MTA3: variants seen among roughly 807,000 people sequenced by gnomAD.
MTA3 encodes metastasis associated 1 family member 3, also known as metastasis-associated protein MTA3.
In MTA3, 34 loss-of-function variants were observed where a neutral mutation model predicts 83.5. The observed-to-expected ratio is 0.41, with a 90% CI of 0.31 to 0.54. The LOEUF (loss-of-function observed/expected upper bound fraction) is 0.54, where lower values mean the gene tolerates loss of function less well. MTA3 is among the 20% of genes least tolerant of loss of function. MTA3 has a pLI of 0.33. For missense variants in MTA3, 761 were observed against 726.4 expected (o/e 1.05, Z -0.55); for synonymous variants, 303 against 252.7 (o/e 1.20, Z -1.89).
chr2:42,717,103 C>T (rs1031938434), intron 14 of MTA3, among the ~76,000 whole-genome samples: 1 of 118,472 alleles, frequency 8.4e-6, no homozygotes, highest in Admixed American at 8.5e-5. Flanking sequence ...TTGCCATCTT[C>T]GGTTTAATAA....
rs557713880 is a variant in MTA3, at chr2:42,613,757, C to G, written c.317+4173C>G. On this transcript the variant is annotated intron_variant, in intron 4 of 16. Coordinates refer to ENST00000405094, the MANE Select transcript of MTA3 (RefSeq NM_001330442.2). ...TATTCATGAGACGCTTAACACTTCC[C>G]AAAGTGGCAGGGAGGAAACTCTTTG... The G allele has an allele frequency of 3.9e-5, 6 of 152,276 alleles. No homozygotes were observed. The East Asian group carries it at 9.6e-4, about 24-fold the overall frequency. The allele number at this position is 152,276 out of a possible 1,614,324, so 9.4% of individuals were successfully genotyped here. A position where few individuals can be genotyped will look rare whatever the true frequency, so the allele number is the denominator to read the frequency against.
chr2:42,641,207 G>A lies in MTA3; in HGVS notation c.381+971G>A, dbSNP rs544015635. Among the ~76,000 whole-genome samples, 39 of 147,066 alleles carry A rather than the reference G, an allele frequency of 2.7e-4. No homozygotes were observed. The South Asian group carries it at 7.6e-3, about 29-fold the overall frequency. The stretch of plus-strand genomic sequence containing the variant: ...GAGGCATGAGCCACTGTGCCTGGCC[G>A]GTTTTTTTTTTTTTTTTTTTTAAAT... On this transcript the variant is annotated intron_variant, in intron 5 of 16. Transcript: ENST00000405094.
intron 3 of MTA3, among the ~76,000 whole-genome samples, chr2:42,599,315 G>A (rs901552928): frequency 3.3e-5 from 5 of 152,170 alleles, no homozygotes; most frequent in Non-Finnish European, 7.3e-5. Context: ...GGTACCGGGC[G>A]CGGCGGCTTA....
intron 16 of MTA3, among the ~76,000 whole-genome samples, chr2:42,742,878 G>T (rs990024443): frequency 6.6e-6 from 1 of 152,070 alleles, no homozygotes; most frequent in Non-Finnish European, 1.5e-5. Flanking sequence ...ATGACTTATG[G>T]ATTTGCTTGA....
chr2:42,741,645 C>T (rs1669036367), intron 16 of MTA3, among the ~76,000 whole-genome samples: 1 of 152,090 alleles, frequency 6.6e-6, no homozygotes, highest in African/African-American at 2.4e-5. Context: ...GTCACTGGAG[C>T]AGTCAGAGGA....
chr2:42,569,056 C>G (rs1042668972), intron 1 of MTA3, among the ~76,000 whole-genome samples: 1 of 152,186 alleles, frequency 6.6e-6, no homozygotes, highest in Non-Finnish European at 1.5e-5. Flanking sequence ...CAGACACCCC[C>G]CTCCACGAAA....
At chr2:42,717,929 G>A (rs755556512) in intron 14 of MTA3, among the ~76,000 whole-genome samples, 13 of 152,076 alleles carry the variant, frequency 8.5e-5, no homozygotes, top group African/African-American at 2.4e-4. Context: ...TCCACCTTGT[G>A]CTTTACGGCG....
chr2:42,674,641 T>G (rs1051807278), intron 8 of MTA3, among the ~76,000 whole-genome samples: 5 of 143,674 alleles, frequency 3.5e-5, no homozygotes, highest in Non-Finnish European at 7.6e-5. Context: ...ACTCCATCAC[T>G]AGGCTGGAGT....
At chr2:42,556,761 G>T (rs1361593498) in intron 2 of MTA3, among the ~76,000 whole-genome samples, 2 of 152,168 alleles carry the variant, frequency 1.3e-5, no homozygotes, top group African/African-American at 4.8e-5. Context: ...GGCTGTATTG[G>T]TGGGGGGAAT....
At chr2:42,723,108 C>T in intron 16 of MTA3, 73 bp downstream of exon 16, 1 of 1,440,320 alleles carries the variant, frequency 6.9e-7, no homozygotes, top group Non-Finnish European at 9.4e-7. Context: ...TCTGCCACAT[C>T]CAAAAATATA....
chr2:42,513,821 C>T (rs1162731228), intron 2 of MTA3, among the ~76,000 whole-genome samples: 9 of 152,298 alleles, frequency 5.9e-5, no homozygotes, highest in Admixed American at 5.9e-4. Context: ...CGGGCTTACA[C>T]CTAGGAAAGC....
chr2:42,586,521 C>G (rs1312508519), intron 3 of MTA3, among the ~76,000 whole-genome samples: 1 of 132,502 alleles, frequency 7.5e-6, no homozygotes, highest in Non-Finnish European at 1.6e-5. Flanking sequence ...CACAAACACA[C>G]AAAGGAAGGA....
chr2:42,546,670 A>C (rs1676772076), intron 2 of MTA3, among the ~76,000 whole-genome samples: 1 of 152,134 alleles, frequency 6.6e-6, no homozygotes, highest in Admixed American at 6.6e-5. Flanking sequence ...AAAAGAACTG[A>C]AAAAAATTAC....
chr2:42,645,149 C>A (rs968158471), intron 6 of MTA3, among the ~76,000 whole-genome samples: 9 of 138,880 alleles, frequency 6.5e-5, no homozygotes, highest in African/African-American at 2.5e-4. Flanking sequence ...ACACTCCAGC[C>A]TGGGTGACAG....
At chr2:42,594,722 A>ATTTT (rs1573130009) in intron 3 of MTA3, among the ~76,000 whole-genome samples, 20 of 34,754 alleles carry the variant, frequency 5.8e-4, no homozygotes, top group East Asian at 1.2e-3. Flanking sequence ...ATATATATAT[A>ATTTT]TATATATTTT....
chr2:42,520,427 T>G (rs1675371682), intron 2 of MTA3, among the ~76,000 whole-genome samples: 1 of 152,186 alleles, frequency 6.6e-6, no homozygotes, highest in Admixed American at 6.6e-5. Flanking sequence ...CCCAGCTTCA[T>G]GCTTCAAGAT....
intron 16 of MTA3, among the ~76,000 whole-genome samples, chr2:42,742,302 C>G (rs1045844847): frequency 1.3e-5 from 2 of 152,092 alleles, no homozygotes; most frequent in Admixed American, 6.6e-5. Flanking sequence ...CCACACCCAG[C>G]TAATTTTTGT....
chr2:42,532,529 A>T (rs552565562), intron 2 of MTA3, among the ~76,000 whole-genome samples: 2 of 152,312 alleles, frequency 1.3e-5, no homozygotes, highest in South Asian at 4.1e-4. Flanking sequence ...AAAAAGAAAA[A>T]AAGTATATCT....
At chr2:42,668,123 A>G (rs1285103768) in intron 8 of MTA3, among the ~76,000 whole-genome samples, 2 of 152,184 alleles carry the variant, frequency 1.3e-5, no homozygotes, top group African/African-American at 2.4e-5. Context: ...CAGCCACACT[A>G]TGAGTTGCTG....
Sources: gnomAD v4.1 joint callset for allele counts (sites outside exome capture counted in the v4.1 genomes callset) on GRCh38, gnomAD v4.1.1 for gene constraint, MANE v1.5 for transcripts, NCBI Gene and HGNC (gene_info 2026-07-23, HGNC 2026-07-21) for gene names.